Variants in PDE4DIP observed in about 807,000 individuals in gnomAD.
PDE4DIP encodes phosphodiesterase 4D interacting protein.
In PDE4DIP, 59 loss-of-function variants were observed where a neutral mutation model predicts 221.4. The ratio of observed to expected loss-of-function variants is 0.27; its 90% CI spans 0.22 to 0.33. The LOEUF (loss-of-function observed/expected upper bound fraction) is 0.33, where lower values mean the gene tolerates loss of function less well. Among genes scored for constraint, PDE4DIP ranks in the 10% least tolerant of loss-of-function variants. The pLI is 1.00. For missense variants in PDE4DIP, 1,036 were observed against 2,154.2 expected, an observed-to-expected ratio of 0.48 and a Z score of 10.28; for synonymous variants, 404 against 815.9, an observed-to-expected ratio of 0.50 and a Z score of 8.60.
rs1427831622 is a variant in PDE4DIP at position 148,939,070 on chromosome 1, G to GT, written c.636+1210dup. On this transcript the variant is annotated intron_variant, in intron 5 of 43. Coordinates refer to ENST00000369354, the Ensembl canonical transcript of PDE4DIP. ...AGCCACCACACCTGGCCATAATGTA[G>GT]TTTTAATATTGAAAAGAGAACTCAC... 2.4e-5 allele frequency among the ~76,000 whole-genome samples: 3 copies of GT among 123,066 alleles called. No individual in the cohort carries two copies. The East Asian group carries it at 6.7e-4, about 27-fold the overall frequency. 80.7% of individuals were successfully genotyped at this position (123,066 alleles called of 152,430 possible).
chr1:148,850,553 CT>C (rs1406391259), intron 1 of PDE4DIP, among the ~76,000 whole-genome samples: 2 of 42,002 alleles, frequency 4.8e-5, no homozygotes, highest in African/African-American at 1.3e-4. Flanking sequence ...ATATATGAAC[CT>C]TATACAACTT....
At chr1:149,001,733 A>C in exon 24 of PDE4DIP, 1 of 1,492,480 alleles carries the variant, frequency 6.7e-7, no homozygotes. Context: ...AGAGGGTCTG[A>C]GTGAGAGTAG....
exon 33 of PDE4DIP, chr1:149,016,406 G>C: frequency 1.7e-6 from 2 of 1,189,022 alleles, no homozygotes; most frequent in Middle Eastern, 1.9e-4. Context: ...TCCTCCAAGG[G>C]GCACCATAGA....
At chr1:148,818,095 T>C (rs1401093192) in intron 1 of PDE4DIP, among the ~76,000 whole-genome samples, 1 of 149,750 alleles carries the variant, frequency 6.7e-6, no homozygotes, top group African/African-American at 2.5e-5. Context: ...ATTACAGGCG[T>C]GAGGCACTGT....
chr1:149,013,979 G>C (rs1440789003), intron 32 of PDE4DIP, among the ~76,000 whole-genome samples: 1 of 151,832 alleles, frequency 6.6e-6, no homozygotes, highest in Non-Finnish European at 1.5e-5. Context: ...GTAGAGACAG[G>C]GTTTCGCCAT....
At chr1:149,020,153 C>T in exon 36 of PDE4DIP, 1 of 455,354 alleles carries the variant, frequency 2.2e-6, no homozygotes, top group Non-Finnish European at 3.9e-6. Flanking sequence ...CCAGAGCACT[C>T]CCAGGAAACA....
At chr1:148,989,649 G>A (rs1215395928) in intron 21 of PDE4DIP, among the ~76,000 whole-genome samples, 4 of 151,814 alleles carry the variant, frequency 2.6e-5, no homozygotes, top group Admixed American at 2.6e-4. Context: ...ATAGAGCTGT[G>A]CTTTCTTCAA....
At chr1:148,886,966 GA>G (rs1159444852), upstream of PDE4DIP, among the ~76,000 whole-genome samples, 5 of 151,234 alleles carry the variant, frequency 3.3e-5, no homozygotes, top group East Asian at 1.9e-4. Context: ...AATGTGAAGA[GA>G]AAAAAAAGTA....
rs1275764550 is a variant in PDE4DIP at position 148,962,303 on chromosome 1, C to T, written c.981+15C>T. 17 of 1,555,990 alleles carry T rather than the reference C, an allele frequency of 1.1e-5. No homozygotes were observed. The highest frequency in any genetic ancestry group is 9.0e-5 in the East Asian group (4 of 44,604). On this transcript the variant is annotated intron_variant, in intron 8 of 43. Coordinates refer to ENST00000369354, the Ensembl canonical transcript of PDE4DIP. ...GACAACTTCACGTATGTGAGGGTCA[C>T]GTAGGACAGGAGAGACTTCAGTTGG...
intron 1 of PDE4DIP, among the ~76,000 whole-genome samples, chr1:148,926,669 T>C (rs1553465968): frequency 1.3e-5 from 2 of 150,746 alleles, no homozygotes; most frequent in Non-Finnish European, 3.0e-5. Context: ...TATCTGCCTA[T>C]TACACATTAG....
chr1:149,005,041 A>C (rs1439738842), exon 27 of PDE4DIP: 1 of 1,605,888 alleles, frequency 6.2e-7, no homozygotes, highest in East Asian at 2.2e-5. Context: ...GGGAAGCAGG[A>C]AGAGTTCCGG....
At chr1:148,979,914 T>G in intron 20 of PDE4DIP, 65 bp downstream of exon 23, 1 of 1,555,756 alleles carries the variant, frequency 6.4e-7, no homozygotes, top group Non-Finnish European at 8.8e-7. Context: ...ACTATTGTAT[T>G]TATGCCTTTT....
chr1:148,978,921 C>T, intron 19 of PDE4DIP, among the ~76,000 whole-genome samples: 1 of 151,964 alleles, frequency 6.6e-6, no homozygotes, highest in Admixed American at 6.6e-5. Context: ...AAAAGAGCAG[C>T]AGTTCTTTTG....
intron 5 of PDE4DIP, among the ~76,000 whole-genome samples, chr1:148,945,090 TA>T (rs2051324407): frequency 6.7e-6 from 1 of 148,270 alleles, no homozygotes; most frequent in Non-Finnish European, 1.5e-5. Context: ...AGGAGGCAGA[TA>T]AATAAGCAGA....
rs782138618 is a variant in PDE4DIP at position 148,978,416 on chromosome 1, G to GT, written c.2574+2dup. 4.4e-5 allele frequency: 69 copies of GT among 1,581,258 alleles called. No individual in the cohort carries two copies. Among genetic ancestry groups the GT allele is most frequent in the Non-Finnish European group, 5.6e-5 (65 of 1,158,186 alleles). On this transcript the variant is annotated splice_donor_variant, in intron 19 of 43. Transcript: ENST00000369354. LOFTEE classifies it high-confidence loss of function. ...AATTTCAGGAAACCGAAGACAACAGGTAAGTTACTGGAATATAAACCTTAT... is the reference window on the plus strand; with the variant it reads ...AATTTCAGGAAACCGAAGACAACAGGTTAAGTTACTGGAATATAAACCTTAT...
intron 17 of PDE4DIP, among the ~76,000 whole-genome samples, chr1:148,977,364 G>GTCATTGTTATTATGATTTT (rs2060379351): frequency 1.6e-5 from 1 of 62,172 alleles, no homozygotes; most frequent in Non-Finnish European, 3.2e-5. Context: ...GATTTTTAAT[G>GTCATTGTTATTATGATTTT]AAGTTTGTCA....
At chr1:148,927,868 T>G (rs1391722426) in intron 1 of PDE4DIP, among the ~76,000 whole-genome samples, 1 of 152,016 alleles carries the variant, frequency 6.6e-6, no homozygotes, top group African/African-American at 2.4e-5. Flanking sequence ...CTGCCCCTAT[T>G]TTAGTTAATA....
At chr1:148,984,874 G>C (rs1173542697) in intron 21 of PDE4DIP, 1 of 151,988 alleles carries the variant, frequency 6.6e-6, no homozygotes, top group African/African-American at 2.4e-5. Context: ...CTCGTTTCAT[G>C]GTCTTTTTAT....
chr1:148,929,568 C>T (rs1365364762), intron 2 of PDE4DIP: 14 of 332,534 alleles, frequency 4.2e-5, no homozygotes, highest in Non-Finnish European at 7.4e-5. Context: ...TTAGTAGAGA[C>T]AAATGCAAAT....
Sources: gnomAD v4.1 joint callset for allele counts (sites outside exome capture counted in the v4.1 genomes callset) on GRCh38, gnomAD v4.1.1 for gene constraint, MANE v1.5 for transcripts, NCBI Gene and HGNC (gene_info 2026-07-23, HGNC 2026-07-21) for gene names.